Variants in PTPN13 observed in about 807,000 individuals in gnomAD.
The protein encoded by PTPN13 is tyrosine-protein phosphatase non-receptor type 13.
Under a neutral mutation model 284.0 loss-of-function variants are expected in PTPN13, and 191 were observed. The observed-to-expected ratio is 0.67, with a 90% CI of 0.60 to 0.76. The LOEUF is 0.76. PTPN13 is among the 30% of genes least tolerant of loss of function. The pLI is 0.00. For synonymous variants in PTPN13, 986 were observed against 1,022.3 expected, an observed-to-expected ratio of 0.96 and a Z score of 0.68; for missense variants, 2,797 against 2,939.9, an observed-to-expected ratio of 0.95 and a Z score of 1.12.
intron 40 of PTPN13, among the ~76,000 whole-genome samples, chr4:86,790,728 G>A (rs2149334370): frequency 6.6e-6 from 1 of 152,256 alleles, no homozygotes; most frequent in East Asian, 1.9e-4. Context: ...AAGCCACTGG[G>A]TAAAGGGGAG....
rs1737287637 is a variant in PTPN13 at position 86,750,700 on chromosome 4, G to A, written c.2881G>A (p.Glu961Lys). The change falls in exon 18 of 48, where the codon GAA becomes AAA. Residue 961 changes from glutamate (E) to lysine (K), a missense_variant. By Grantham distance (56) the Glu-to-Lys change is moderately conservative. Coordinates refer to ENST00000411767, the MANE Select transcript of PTPN13 (RefSeq NM_080683.3). Reference protein sequence around the residue: ...KEKNDKASWEEKPREMSKSYH... With the variant: ...KEKNDKASWEKKPREMSKSYH... ...GAAGAATGACAAAGCTTCATGGGAGGAAAAGCCTAGAGAGATGAGTAAATC... is the reference window on the plus strand; with the variant it reads ...GAAGAATGACAAAGCTTCATGGGAGAAAAAGCCTAGAGAGATGAGTAAATC... 3.1e-6 allele frequency: 5 copies of A among 1,613,680 alleles called. No individual in the cohort carries two copies. Among genetic ancestry groups the A allele is most frequent in the South Asian group, 2.2e-5 (2 of 91,060 alleles).
chr4:86,626,288 G>C (rs1721827828), intron 1 of PTPN13, among the ~76,000 whole-genome samples: 2 of 152,072 alleles, frequency 1.3e-5, no homozygotes, highest in Non-Finnish European at 2.9e-5. Flanking sequence ...AGGCAATTTA[G>C]ACTTGTGTTT....
chr4:86,676,698 T>G (rs1331130231), intron 3 of PTPN13, among the ~76,000 whole-genome samples: 1 of 152,166 alleles, frequency 6.6e-6, no homozygotes, highest in Admixed American at 6.5e-5. Context: ...AAAGGCAGGC[T>G]TGTCACATGC....
chr4:86,710,082 A>G, intron 7 of PTPN13, among the ~76,000 whole-genome samples: 1 of 152,192 alleles, frequency 6.6e-6, no homozygotes, highest in Non-Finnish European at 1.5e-5. Context: ...TAATCTCCCA[A>G]AATTATTCTC....
intron 3 of PTPN13, among the ~76,000 whole-genome samples, chr4:86,684,363 A>T (rs958632728): frequency 7.2e-5 from 11 of 152,318 alleles, no homozygotes; most frequent in Middle Eastern, 3.4e-3. Flanking sequence ...AAAAGGATGT[A>T]TTTTGCCAAC....
intron 46 of PTPN13, 99 bp from the exon 47 acceptor site, chr4:86,810,947 G>A: frequency 9.0e-7 from 1 of 1,111,558 alleles, no homozygotes; most frequent in Non-Finnish European, 1.3e-6. Context: ...GAAGAAGAGT[G>A]GGATACAGAA....
chr4:86,747,572 CAGCAGCAGCAGT>C (rs749954503), intron 17 of PTPN13, among the ~76,000 whole-genome samples: 12,199 of 150,314 alleles, frequency 0.081, 626 homozygotes, highest in Non-Finnish European at 0.11. Context: ...GCAGCAGCAG[CAGCAGCAGCAGT>C]AGTAGTAGTA....
intron 42 of PTPN13, 113 bp downstream of exon 42, chr4:86,799,317 C>CTTTTTTTTTTTTTTTTTT (rs11358237): frequency 2.8e-6 from 1 of 359,308 alleles, no homozygotes; most frequent in African/African-American, 2.5e-5. Context: ...ACATTATTTG[C>CTTTTTTTTTTTTTTTTTT]TTTTTTTTTT....
At chr4:86,771,080 T>C in intron 30 of PTPN13, 91 bp from the exon 31 acceptor site, 11 of 1,354,880 alleles carry the variant, frequency 8.1e-6, no homozygotes, top group Non-Finnish European at 1.1e-5. Flanking sequence ...ATGCATACTT[T>C]AGTAGAAAGT....
intron 42 of PTPN13, 126 bp downstream of exon 42, chr4:86,799,330 TTTTC>T: frequency 1.7e-6 from 1 of 584,648 alleles, no homozygotes; most frequent in Non-Finnish European, 2.7e-6. Context: ...TTTTTTTTTT[TTTTC>T]TTTTTTTGAG....
intron 6 of PTPN13, among the ~76,000 whole-genome samples, chr4:86,696,809 T>C (rs1444212861): frequency 3.3e-5 from 5 of 152,028 alleles, no homozygotes; most frequent in Admixed American, 6.5e-5. Flanking sequence ...TAACCAAATT[T>C]TGTTTGTGTT....
chr4:86,699,685 A>C (rs931894505), intron 6 of PTPN13, among the ~76,000 whole-genome samples: 2 of 152,182 alleles, frequency 1.3e-5, no homozygotes, highest in Admixed American at 1.3e-4. Context: ...TTGGTAGTCA[A>C]GGTAGCAGGA....
chr4:86,722,518 G>A (rs1277418012), intron 10 of PTPN13, 84 bp downstream of exon 10: 12 of 1,104,500 alleles, frequency 1.1e-5, no homozygotes, highest in South Asian at 5.6e-5. Context: ...AATTGCTACA[G>A]GTATCCATCT....
chr4:86,635,436 A>T (rs1722904039), intron 2 of PTPN13, 65 bp downstream of exon 2: 2 of 1,539,812 alleles, frequency 1.3e-6, no homozygotes, highest in Admixed American at 4.0e-5. Context: ...AAAAACAGAT[A>T]CAGGGTCAGA....
Position 86,785,365 on chromosome 4 carries a change from C to A in PTPN13, c.6253C>A (p.Pro2085Thr). 1 of 1,608,968 alleles carries A rather than the reference C, an allele frequency of 6.2e-7. No individual in the cohort carries two copies. The highest frequency in any genetic ancestry group is 1.1e-5 in the South Asian group (1 of 89,818). ...ENNAAGYSCG[P>T]GTLKMNGKLS... is the part of the protein sequence containing the mutation. ...TAATGCAGCAGGATACTCCTGTGGT[C>A]CAGGTACGTGAACCAGATGAATAAA... The change falls in exon 39 of 48, where the codon CCA becomes ACA. Residue 2085 changes from proline (P) to threonine (T), a missense_variant. Physicochemically the swap from Pro to Thr is conservative, Grantham distance 38 (BLOSUM62 -1). Coordinates refer to ENST00000411767, the MANE Select transcript of PTPN13 (RefSeq NM_080683.3).
chr4:86,803,101 TGTATAAA>T (rs1022933631), intron 42 of PTPN13, among the ~76,000 whole-genome samples: 1 of 151,250 alleles, frequency 6.6e-6, no homozygotes. Flanking sequence ...TGTGTGTGTG[TGTATAAA>T]ATAAAATAAA....
rs1363160423 is a variant in PTPN13 at position 86,762,822 on chromosome 4, G to A, written c.3649G>A (p.Asp1217Asn). ...CAGTGCTATAGATTCTTCTTCCAAG[G>A]ATCACCACTGGTCACGTGGTACCCT... Reference protein sequence around the residue: ...QDSAIDSSSKDHHWSRGTLRH... With the variant: ...QDSAIDSSSKNHHWSRGTLRH... The change falls in exon 24 of 48, where the codon GAT becomes AAT. Residue 1217 changes from aspartate to asparagine, a missense_variant. Physicochemically the swap from Asp to Asn is conservative, Grantham distance 23. Coordinates refer to ENST00000411767, the MANE Select transcript of PTPN13 (RefSeq NM_080683.3). The A allele has an allele frequency of 1.2e-6, 2 of 1,613,584 alleles. No homozygotes were observed. Among genetic ancestry groups the A allele is most frequent in the African/African-American group, 1.3e-5 (1 of 74,950 alleles).
chr4:86,597,266 G>A (rs1763900457), intron 1 of PTPN13, among the ~76,000 whole-genome samples: 1 of 151,694 alleles, frequency 6.6e-6, no homozygotes, highest in Admixed American at 6.6e-5. Flanking sequence ...TTTTAAGATA[G>A]GGTCTCTGTT....
In PTPN13 at chr4:86,734,760, A is replaced by G. The variant is rs1174610321; in HGVS notation, c.2036A>G (p.Tyr679Cys). ...LIQHTLTCHQ[Y>C]YLQLRKDILE... ...AGACATACTCTGACGTGTCATCAGT[A>G]TTACCTTCAGCTTCGAAAAGATATT... is the stretch of plus-strand genomic sequence containing the variant. The change falls in exon 14 of 48, where the codon TAT becomes TGT. Residue 679 changes from tyrosine (Y) to cysteine (C), a missense_variant. By Grantham distance (194) the Tyr-to-Cys change is radical (BLOSUM62 -2). Transcript: ENST00000411767. 8 of 1,613,088 alleles carry G rather than the reference A, an allele frequency of 5.0e-6. No individual in the cohort carries two copies. Among genetic ancestry groups the G allele is most frequent in the South Asian group, 1.1e-5 (1 of 90,942 alleles).
Sources: allele counts gnomAD v4.1 joint callset (sites outside exome capture counted in the v4.1 genomes callset), GRCh38; gene constraint gnomAD v4.1.1; transcripts MANE v1.5; gene names NCBI Gene and HGNC (gene_info 2026-07-23, HGNC 2026-07-21).